PRKCI: variants seen among roughly 807,000 people sequenced by gnomAD.
PRKCI encodes the protein protein kinase C iota type.
In PRKCI, 43 loss-of-function variants were observed where a neutral mutation model predicts 84.0. That is an observed-to-expected ratio of 0.51 (90% CI 0.40 to 0.66). The LOEUF (loss-of-function observed/expected upper bound fraction) is 0.66, where lower values mean the gene tolerates loss of function less well. PRKCI is among the 30% of genes least tolerant of loss of function. PRKCI has a pLI of 0.00. For missense variants in PRKCI, 459 were observed against 745.6 expected, an observed-to-expected ratio of 0.62 and a Z score of 4.48; for synonymous variants, 216 against 234.4, an observed-to-expected ratio of 0.92 and a Z score of 0.72.
intron 13 of PRKCI, among the ~76,000 whole-genome samples, chr3:170,292,507 A>G (rs1286047840): frequency 1.3e-5 from 2 of 152,186 alleles, no homozygotes; most frequent in South Asian, 2.1e-4. Flanking sequence ...TGCCTTCAGC[A>G]GATATAAAGG....
chr3:170,241,168 C>T (rs543990957), intron 2 of PRKCI, among the ~76,000 whole-genome samples: 104 of 152,232 alleles, frequency 6.8e-4, no homozygotes, highest in Admixed American at 1.2e-3. Context: ...TCTATTACCT[C>T]AAATACTTAT....
At chr3:170,245,022 A>C (rs1421303938) in intron 2 of PRKCI, 1 of 151,882 alleles carries the variant, frequency 6.6e-6, no homozygotes, top group African/African-American at 2.4e-5. Context: ...TTCAGGTGTG[A>C]TTACATTCTT....
intron 12 of PRKCI, among the ~76,000 whole-genome samples, chr3:170,285,136 G>A (rs1383098901): frequency 2.0e-5 from 3 of 147,660 alleles, no homozygotes; most frequent in Non-Finnish European, 4.4e-5. Context: ...CTGGAGTGCA[G>A]TGGCGCAATC....
chr3:170,292,021 C>T (rs1734565003), intron 13 of PRKCI, 80 bp downstream of exon 13: 2 of 947,662 alleles, frequency 2.1e-6, no homozygotes, highest in African/African-American at 3.3e-5. Context: ...TTACAGTACA[C>T]TAATGCATTT....
chr3:170,254,096 C>CA (rs139535233), intron 2 of PRKCI, among the ~76,000 whole-genome samples: 41,583 of 137,074 alleles, frequency 0.3, 6,078 homozygotes, highest in African/African-American at 0.37. Flanking sequence ...GATCCGTTTC[C>CA]AAAAAAAAAA....
rs1732521694 is a variant in PRKCI, at chr3:170,222,743, A to G, written c.74A>G (p.Gln25Arg). ...GGCGGCAGCGGGGACCATTCCCACC[A>G]GGTCCGGGTGAAAGCCTACTACCGC... is the stretch of plus-strand genomic sequence containing the variant. ...AGGGSGDHSH[Q>R]VRVKAYYRGD... The change falls in exon 1 of 18, where the codon CAG becomes CGG. Residue 25 changes from glutamine to arginine, a missense_variant. Gln to Arg is a conservative substitution (Grantham distance 43). This residue lies in a region of PRKCI where 250 missense variants were observed against 319.7 expected (regional missense o/e 0.78). Transcript: ENST00000295797. The G allele has an allele frequency of 1.9e-6, 3 of 1,585,046 alleles. No homozygotes were observed. Among genetic ancestry groups the G allele is most frequent in the African/African-American group, 2.7e-5 (2 of 73,300 alleles).
intron 2 of PRKCI, among the ~76,000 whole-genome samples, chr3:170,246,903 T>C (rs1310144232): frequency 6.6e-6 from 1 of 152,172 alleles, no homozygotes; most frequent in Non-Finnish European, 1.5e-5. Context: ...ACCTTTGTTT[T>C]TGTGTTTTTG....
intron 13 of PRKCI, among the ~76,000 whole-genome samples, chr3:170,292,808 G>A (rs904587102): frequency 2.6e-5 from 4 of 151,898 alleles, no homozygotes; most frequent in Non-Finnish European, 4.4e-5. Context: ...TTGGGAGGCC[G>A]AGGCAGGCGG....
At chr3:170,299,142 T>C (rs758480458) in intron 17 of PRKCI, 32 bp downstream of exon 17, 1 of 1,390,340 alleles carries the variant, frequency 7.2e-7, no homozygotes, top group Non-Finnish European at 9.7e-7. Context: ...AATTTTTTTT[T>C]AAGTTCTTTG....
intron 1 of PRKCI, among the ~76,000 whole-genome samples, chr3:170,223,803 C>G (rs917921967): frequency 6.6e-6 from 1 of 152,112 alleles, no homozygotes; most frequent in Non-Finnish European, 1.5e-5. Flanking sequence ...TTAATGCATA[C>G]TTTTACATTC....
intron 1 of PRKCI, among the ~76,000 whole-genome samples, chr3:170,223,361 G>A (rs1274417867): frequency 6.6e-6 from 1 of 152,196 alleles, no homozygotes; most frequent in African/African-American, 2.4e-5. Context: ...GGGTACTTAC[G>A]TGTCGTCAAG....
chr3:170,242,079 AG>A (rs892894053), intron 2 of PRKCI, among the ~76,000 whole-genome samples: 3 of 152,222 alleles, frequency 2.0e-5, no homozygotes, highest in African/African-American at 4.8e-5. Flanking sequence ...ATTGCACTCT[AG>A]CCTGGGCAAC....
In PRKCI at chr3:170,269,427, T is replaced by C. The variant is rs1266755725; in HGVS notation, c.451-994T>C. 2.6e-5 allele frequency among the ~76,000 whole-genome samples: 4 copies of C among 152,270 alleles called. No homozygotes were observed. The East Asian group carries it at 7.7e-4, about 29-fold the overall frequency. On this transcript the variant is annotated intron_variant, in intron 5 of 17. Transcript: ENST00000295797. ...CTGTAATCCCAGCAGTTTGGGAGGC[T>C]GCGAAGGGGGAACACTGAAGCCCAG...
intron 7 of PRKCI, 30 bp downstream of exon 7, chr3:170,273,370 T>C: frequency 6.2e-7 from 1 of 1,602,076 alleles, no homozygotes. Flanking sequence ...AACCCATTGT[T>C]CATTCACAGA....
At chr3:170,283,865 A>G (rs1371321549) in intron 11 of PRKCI, among the ~76,000 whole-genome samples, 1 of 152,244 alleles carries the variant, frequency 6.6e-6, no homozygotes, top group Non-Finnish European at 1.5e-5. Context: ...TTCATTATTC[A>G]GGCCAAAAGT....
intron 1 of PRKCI, among the ~76,000 whole-genome samples, chr3:170,224,355 C>G (rs1028526809): frequency 1.3e-5 from 2 of 151,508 alleles, no homozygotes; most frequent in Non-Finnish European, 2.9e-5. Flanking sequence ...TACCAAGAAA[C>G]GTGTGGATAT....
intron 1 of PRKCI, among the ~76,000 whole-genome samples, chr3:170,225,311 G>A (rs569870993): frequency 2.0e-5 from 3 of 152,246 alleles, no homozygotes; most frequent in African/African-American, 7.2e-5. Flanking sequence ...TTATGTGTTT[G>A]TATAGTCTAA....
In PRKCI at chr3:170,224,760, A is replaced by G. The variant is rs566394033; in HGVS notation, c.101+1990A>G. Reference sequence around the variant, plus strand: ...GCATGTCTTGAACTCCTGGCCTCAAATGATGCGCTCGTCTTGGCTTCCCAA... The same window carrying G: ...GCATGTCTTGAACTCCTGGCCTCAAGTGATGCGCTCGTCTTGGCTTCCCAA... On this transcript the variant is annotated intron_variant, in intron 1 of 17. Coordinates refer to ENST00000295797, the MANE Select transcript of PRKCI (RefSeq NM_002740.6). Among the ~76,000 whole-genome samples the G allele has an allele frequency of 5.3e-5, 8 of 152,228 alleles. No homozygotes were observed. The East Asian group carries it at 1.5e-3, about 29-fold the overall frequency.
chr3:170,271,415 AC>A (rs1326042717), intron 6 of PRKCI, among the ~76,000 whole-genome samples: 4 of 152,210 alleles, frequency 2.6e-5, no homozygotes, highest in African/African-American at 9.6e-5. Context: ...TAACTAAAAA[AC>A]AAATTCTTTA....
Sources: allele counts gnomAD v4.1 joint callset (sites outside exome capture counted in the v4.1 genomes callset), GRCh38; gene constraint gnomAD v4.1.1; regional missense constraint gnomAD v4.1.1; transcripts MANE v1.5; gene names NCBI Gene and HGNC (gene_info 2026-07-23, HGNC 2026-07-21).